Variants in TTLL9 observed in about 807,000 individuals in gnomAD.
The protein encoded by TTLL9 is probable tubulin polyglutamylase TTLL9.
A neutral mutation model predicts 65.6 loss-of-function variants in TTLL9; 47 were observed. The observed-to-expected ratio is 0.72, with a 90% confidence interval of 0.57 to 0.91. TTLL9 has a LOEUF of 0.91. TTLL9 is among the 40% of genes least tolerant of loss of function. The pLI is 0.00. For missense variants in TTLL9, 537 were observed against 568.8 expected (o/e 0.94, Z 0.57); for synonymous variants, 179 against 204.8 (o/e 0.87, Z 1.07).
chr20:31,886,646 C>G (rs568770704), intron 2 of TTLL9, among the ~76,000 whole-genome samples: 18 of 152,270 alleles, frequency 1.2e-4, no homozygotes, highest in African/African-American at 4.1e-4. Context: ...ATGGCGAAAC[C>G]CCATCTCTAT....
At chr20:31,898,192 T>A (rs554055294) in intron 3 of TTLL9, among the ~76,000 whole-genome samples, 1 of 152,360 alleles carries the variant, frequency 6.6e-6, no homozygotes, top group South Asian at 2.1e-4. Context: ...ATACTTATCA[T>A]TTCATGTAAG....
intron 4 of TTLL9, among the ~76,000 whole-genome samples, chr20:31,902,567 C>T (rs1315751944): frequency 6.6e-6 from 1 of 152,064 alleles, no homozygotes; most frequent in African/African-American, 2.4e-5. Context: ...AGGAGTACCA[C>T]ATTTATTTAT....
intron 12 of TTLL9, among the ~76,000 whole-genome samples, chr20:31,937,047 G>C (rs1044456408): frequency 2.2e-4 from 32 of 147,372 alleles, no homozygotes; most frequent in African/African-American, 7.6e-4. Flanking sequence ...GCAGTGAGCT[G>C]AGATCATGCC....
At chr20:31,882,890 A>G (rs898323521) in intron 2 of TTLL9, among the ~76,000 whole-genome samples, 1 of 152,200 alleles carries the variant, frequency 6.6e-6, no homozygotes, top group East Asian at 1.9e-4. Flanking sequence ...AAAATCCCCA[A>G]GGAACCCCCA....
intron 3 of TTLL9, among the ~76,000 whole-genome samples, chr20:31,890,195 T>TTCTTTCTTTCTTTCTTTCTTTCTC (rs1223777990): frequency 7.0e-6 from 1 of 142,928 alleles, no homozygotes; most frequent in African/African-American, 2.7e-5. Flanking sequence ...CTTTCTTTCT[T>TTCTTTCTTTCTTTCTTTCTTTCTC]TCTTTCTCTT....
chr20:31,934,501 C>A (rs2064074597), intron 11 of TTLL9, 191 bp from the exon 12 acceptor site: 1 of 679,406 alleles, frequency 1.5e-6, no homozygotes, highest in East Asian at 2.7e-5. Flanking sequence ...CATAGCCAGT[C>A]CTCTTAGACA....
At position 31,892,216 on chromosome 20, in the gene TTLL9, G is replaced by A. The variant is rs1264152507; in HGVS notation, c.113+4977G>A. ...TTTTTTTGAGACAGGGTCTCACTCT[G>A]TCACCCAGGCTGGAGTGCACTGGTG... On this transcript the variant is annotated intron_variant, in intron 3 of 14. Coordinates refer to ENST00000535842, the MANE Select transcript of TTLL9 (RefSeq NM_001008409.5). 7.4e-5 allele frequency among the ~76,000 whole-genome samples: 11 copies of A among 148,942 alleles called. No homozygotes were observed. The South Asian group carries it at 1.9e-3, about 26-fold the overall frequency.
intron 2 of TTLL9, chr20:31,884,073 TA>T: frequency 1.8e-6 from 1 of 555,392 alleles, no homozygotes; most frequent in South Asian, 2.9e-5. Context: ...CTACCAGAAC[TA>T]ATCATTCAGC....
chr20:31,914,106 C>A (rs1055232526), intron 6 of TTLL9, among the ~76,000 whole-genome samples: 21 of 152,218 alleles, frequency 1.4e-4, no homozygotes, highest in African/African-American at 5.1e-4. Flanking sequence ...GCCTTGGGGG[C>A]CTATTTCCAA....
chr20:31,919,667 C>T lies in TTLL9; in HGVS notation c.505-197C>T, dbSNP rs190100908. On this transcript the variant is annotated intron_variant, in intron 6 of 14. Coordinates refer to ENST00000535842, the MANE Select transcript of TTLL9 (RefSeq NM_001008409.5). Reference sequence around the variant, plus strand: ...TGTGAGCTAAGTCAGTCTCCCCCTTCCCCTCCCTTCCCTCTCTCCCTCTGC... The same window carrying T: ...TGTGAGCTAAGTCAGTCTCCCCCTTTCCCTCCCTTCCCTCTCTCCCTCTGC... Among the ~76,000 whole-genome samples the T allele has an allele frequency of 1.5e-3, 234 of 152,280 alleles. 1 individual carries two copies. Among genetic ancestry groups the T allele is most frequent in the Non-Finnish European group, 2.5e-3 (173 of 68,030 alleles).
At chr20:31,883,669 G>T (rs886952353) in intron 2 of TTLL9, among the ~76,000 whole-genome samples, 4 of 151,710 alleles carry the variant, frequency 2.6e-5, no homozygotes, top group African/African-American at 9.7e-5. Context: ...CCTAATAAAA[G>T]ATGTTTTAAA....
chr20:31,923,254 C>T (rs115863170), intron 8 of TTLL9, among the ~76,000 whole-genome samples: 2,327 of 152,298 alleles, frequency 0.015, 44 homozygotes, highest in African/African-American at 0.052. Flanking sequence ...CATTCCACTC[C>T]CTTCTTGGTT....
chr20:31,896,574 C>T lies in TTLL9; in HGVS notation c.114-1899C>T, dbSNP rs561888962. Among the ~76,000 whole-genome samples the T allele has an allele frequency of 2.0e-5, 3 of 152,004 alleles. No homozygotes were observed. The South Asian group carries it at 6.3e-4, about 32-fold the overall frequency. On this transcript the variant is annotated intron_variant, in intron 3 of 14. Transcript: ENST00000535842. Reference sequence around the variant, plus strand: ...TGAGACAGTCTCTCTCTGTCGCCCACACTGGAGTGCAGTGGTGCTATCTCG... The same window carrying T: ...TGAGACAGTCTCTCTCTGTCGCCCATACTGGAGTGCAGTGGTGCTATCTCG...
intron 4 of TTLL9, among the ~76,000 whole-genome samples, chr20:31,902,234 C>A (rs1302232799): frequency 6.6e-6 from 1 of 152,180 alleles, no homozygotes; most frequent in Non-Finnish European, 1.5e-5. Flanking sequence ...CCTCCAGCCT[C>A]TGTCTTGGGC....
At chr20:31,890,083 T>TCC (rs2063274786) in intron 3 of TTLL9, among the ~76,000 whole-genome samples, 1 of 141,504 alleles carries the variant, frequency 7.1e-6, no homozygotes, top group African/African-American at 2.7e-5. Context: ...TTTCTTGCTT[T>TCC]CTTGCTTTCT....
chr20:31,905,017 C>T (rs6058486), intron 4 of TTLL9, among the ~76,000 whole-genome samples: 16 of 152,224 alleles, frequency 1.1e-4, no homozygotes, highest in African/African-American at 3.9e-4. Context: ...GAAGCCCCAG[C>T]CAGCCAGCCG....
intron 8 of TTLL9, 129 bp from the exon 9 acceptor site, chr20:31,924,880 T>G: frequency 3.0e-6 from 3 of 1,002,132 alleles, no homozygotes; most frequent in Non-Finnish European, 3.1e-6. Context: ...CCTAGCCCCT[T>G]GTGTAGTTTC....
chr20:31,911,750 C>T (rs543843214), intron 6 of TTLL9, among the ~76,000 whole-genome samples: 1 of 152,118 alleles, frequency 6.6e-6, no homozygotes, highest in Non-Finnish European at 1.5e-5. Context: ...CCATTCCCAG[C>T]CCACAGCCTT....
At chr20:31,934,314 C>T (rs1374143095) in intron 11 of TTLL9, 2 of 514,546 alleles carry the variant, frequency 3.9e-6, no homozygotes, top group Admixed American at 2.3e-5. Flanking sequence ...CTTCTCTTCC[C>T]TCCCCAGCTC....
Sources: allele counts gnomAD v4.1 joint callset (sites outside exome capture counted in the v4.1 genomes callset), GRCh38; gene constraint gnomAD v4.1.1; transcripts MANE v1.5; gene names NCBI Gene and HGNC (gene_info 2026-07-23, HGNC 2026-07-21).